Variants in BMP8A observed in about 807,000 individuals in gnomAD.
BMP8A encodes the protein bone morphogenetic protein 8a, also known as BMP-8A.
A neutral mutation model predicts 36.8 loss-of-function variants in BMP8A; 14 were observed. That is an observed-to-expected ratio of 0.38 (90% CI 0.25 to 0.60). The LOEUF is 0.60. Among genes scored for constraint, BMP8A ranks in the 20% least tolerant of loss-of-function variants. The pLI, the probability that BMP8A is intolerant of heterozygous loss-of-function variation, is 0.63. For missense variants in BMP8A, 267 were observed against 551.1 expected (o/e 0.48, Z 5.16); for synonymous variants, 120 against 237.7 (o/e 0.50, Z 4.55).
chr1:39,506,607 A>C (rs2124342890), intron 1 of BMP8A, among the ~76,000 whole-genome samples: 1 of 152,280 alleles, frequency 6.6e-6, no homozygotes, highest in South Asian at 2.1e-4. Context: ...TGCACTGTTC[A>C]TGCCACTTCT....
rs776862632 is a variant in BMP8A at position 39,492,265 on chromosome 1, G to C, written c.274G>C (p.Gly92Arg). 2 of 1,562,902 alleles carry C rather than the reference G, an allele frequency of 1.3e-6. No individual in the cohort carries two copies. The highest frequency in any genetic ancestry group is 1.1e-5 in the South Asian group (1 of 88,490). Reference protein sequence around the residue: ...HAMAGDDDEDGAPAEQRLGRA... With the variant: ...HAMAGDDDEDRAPAEQRLGRA... ...CATGGCTGGCGACGACGACGAGGAC[G>C]GCGCGCCCGCGGAGCAGCGCCTGGG... Residue 92 changes from glycine (G) to arginine (R), a missense_variant, in exon 1 of 7, where the codon GGC becomes CGC. Transcript: ENST00000331593.
At chr1:39,523,978 A>AG (rs1313527124) in intron 6 of BMP8A, 5 of 150,788 alleles carry the variant, frequency 3.3e-5, no homozygotes, top group Non-Finnish European at 4.1e-5. Flanking sequence ...ATAAAAATTA[A>AG]AACACACACA....
chr1:39,523,481 G>A lies in BMP8A; in HGVS notation c.1059+364G>A, dbSNP rs778671026. 18 of 1,290,182 alleles carry A rather than the reference G, an allele frequency of 1.4e-5. No homozygotes were observed. The Admixed American group carries it at 3.1e-4, about 22-fold the overall frequency. 79.9% of individuals were successfully genotyped at this position (1,290,182 alleles called of 1,614,324 possible). A position where few individuals can be genotyped will look rare whatever the true frequency, so the allele number is the denominator to read the frequency against. On this transcript the variant is annotated intron_variant, in intron 6 of 6. Coordinates refer to ENST00000331593, the MANE Select transcript of BMP8A (RefSeq NM_181809.4). ...TGGGGGCTGTGTGATCTTAACACACGGGCCCCCGAGTACGCTGGCAAGTCT... is the reference window on the plus strand; with the variant it reads ...TGGGGGCTGTGTGATCTTAACACACAGGCCCCCGAGTACGCTGGCAAGTCT...
At chr1:39,495,007 G>C (rs1645192725) in intron 1 of BMP8A, among the ~76,000 whole-genome samples, 1 of 151,282 alleles carries the variant, frequency 6.6e-6, no homozygotes, top group Non-Finnish European at 1.5e-5. Context: ...TAATTACTGA[G>C]GCTGGGTGGG....
intron 1 of BMP8A, among the ~76,000 whole-genome samples, chr1:39,496,998 T>G (rs147350652): frequency 0.011 from 1,748 of 152,372 alleles, 102 homozygotes; most frequent in Admixed American, 0.098. Flanking sequence ...TTCATTGCCA[T>G]GGCCTGTTCT....
intron 1 of BMP8A, among the ~76,000 whole-genome samples, chr1:39,493,978 C>T (rs1270255408): frequency 1.3e-5 from 2 of 152,248 alleles, no homozygotes; most frequent in Non-Finnish European, 2.9e-5. Context: ...TTGGGCAGGG[C>T]CCACCCCTCT....
chr1:39,523,244 A>G, intron 6 of BMP8A, 127 bp downstream of exon 6: 1 of 1,136,564 alleles, frequency 8.8e-7, no homozygotes, highest in Non-Finnish European at 1.3e-6. Context: ...GTCTGCACAG[A>G]GTCAGTAACG....
rs185811750 is a variant in BMP8A, at chr1:39,525,472, G to A, written c.1060-177G>A. ...GGCACTGTGGGCCACCACAGCTCCC[G>A]CTCCCAGAGCTCTCAGGGCTGCTCT... On this transcript the variant is annotated intron_variant, in intron 6 of 6. Coordinates refer to ENST00000331593, the MANE Select transcript of BMP8A (RefSeq NM_181809.4). 3.0e-3 allele frequency among the ~76,000 whole-genome samples: 450 copies of A among 152,230 alleles called. 3 individuals are homozygous for A. The highest frequency in any genetic ancestry group is 4.6e-3 in the Non-Finnish European group (315 of 67,978).
intron 1 of BMP8A, among the ~76,000 whole-genome samples, chr1:39,494,017 C>G (rs1318144611): frequency 6.6e-6 from 1 of 152,268 alleles, no homozygotes; most frequent in Non-Finnish European, 1.5e-5. Context: ...TCCTCACCTT[C>G]TCAGCCTTGG....
chr1:39,496,210 G>A (rs1349269087), intron 1 of BMP8A, among the ~76,000 whole-genome samples: 2 of 143,674 alleles, frequency 1.4e-5, no homozygotes, highest in African/African-American at 5.1e-5. Flanking sequence ...CACGGACCAG[G>A]CAGAGTTCTA....
intron 1 of BMP8A, among the ~76,000 whole-genome samples, chr1:39,494,057 A>G (rs895118629): frequency 1.3e-5 from 2 of 152,184 alleles, no homozygotes; most frequent in Non-Finnish European, 2.9e-5. Flanking sequence ...GTGCCTGGTG[A>G]TCTGTCCTCA....
chr1:39,509,604 C>G (rs866271644), intron 1 of BMP8A, among the ~76,000 whole-genome samples: 2 of 152,172 alleles, frequency 1.3e-5, no homozygotes, highest in Admixed American at 6.5e-5. Context: ...TGCCCACACA[C>G]GTCTGGCCCC....
chr1:39,502,144 A>G (rs962776309), intron 1 of BMP8A, among the ~76,000 whole-genome samples: 4 of 150,952 alleles, frequency 2.6e-5, no homozygotes, highest in African/African-American at 9.7e-5. Flanking sequence ...AGGCTGAGGC[A>G]GGAGAATCGC....
chr1:39,501,697 C>T (rs1373409108), intron 1 of BMP8A, among the ~76,000 whole-genome samples: 1 of 152,176 alleles, frequency 6.6e-6, no homozygotes. Flanking sequence ...CTCCTGGCCT[C>T]AAGTGGTCCT....
Position 39,529,403 on chromosome 1 carries a change from G to A in BMP8A, c.*3605G>A, listed in dbSNP as rs957053900. On this transcript the variant is annotated 3_prime_UTR_variant, in exon 7 of 7. Coordinates refer to ENST00000331593, the MANE Select transcript of BMP8A (RefSeq NM_181809.4). The stretch of plus-strand genomic sequence containing the variant: ...GGAGTCTGGGCCAGCAGTGACCCAC[G>A]CGCTAGGGTCTCTGCTGAGGAAGTG... 6.6e-6 allele frequency among the ~76,000 whole-genome samples: 1 copy of A among 152,100 alleles called. No homozygotes were observed. Among genetic ancestry groups the A allele is most frequent in the Non-Finnish European group, 1.5e-5 (1 of 68,004 alleles).
chr1:39,492,755 A>C (rs896120410), intron 1 of BMP8A, among the ~76,000 whole-genome samples: 2 of 152,156 alleles, frequency 1.3e-5, no homozygotes, highest in African/African-American at 2.4e-5. Context: ...CATCGGAGTG[A>C]CCAGAGCTGA....
rs1414559121 is a variant in BMP8A at position 39,526,997 on chromosome 1, C to T, written c.*1199C>T. 6.6e-6 allele frequency among the ~76,000 whole-genome samples: 1 copy of T among 152,200 alleles called. No individual in the cohort carries two copies. The highest frequency in any genetic ancestry group is 2.4e-5 in the African/African-American group (1 of 41,438). ...GGCATTGTCAATAAGACCTCAGTTC[C>T]CCCTCCTGCCCCACTGCAGAGCAAT... On this transcript the variant is annotated 3_prime_UTR_variant, in exon 7 of 7. Transcript: ENST00000331593.
At chr1:39,501,161 C>T (rs1220959636) in intron 1 of BMP8A, among the ~76,000 whole-genome samples, 1 of 152,138 alleles carries the variant, frequency 6.6e-6, no homozygotes, top group African/African-American at 2.4e-5. Context: ...TAATCCATTC[C>T]CCTGAGAGGG....
chr1:39,511,804 C>CGA lies in BMP8A; in HGVS notation c.575_576dup (p.Gly193ArgfsTer17). ...ATCTTCAGACGCTCCGAGCTGGAGACGAGGGCTGGCTGGTGCTGGATGTCA... is the reference window on the plus strand; with the variant it reads ...ATCTTCAGACGCTCCGAGCTGGAGACGAGAGGGCTGGCTGGTGCTGGATGTCA... On this transcript the variant is annotated frameshift_variant, in exon 3 of 7. Transcript: ENST00000331593. LOFTEE classifies it high-confidence loss of function. The CGA allele has an allele frequency of 6.5e-7, 1 of 1,545,844 alleles. No individual in the cohort carries two copies. The highest frequency in any genetic ancestry group is 2.4e-5 in the East Asian group (1 of 42,410).
Sources: allele counts gnomAD v4.1 joint callset (sites outside exome capture counted in the v4.1 genomes callset), GRCh38; gene constraint gnomAD v4.1.1; transcripts MANE v1.5; gene names NCBI Gene and HGNC (gene_info 2026-07-23, HGNC 2026-07-21).